The following CCSER1 variants were observed in gnomAD, a reference collection of about 807,000 sequenced individuals.
The protein encoded by CCSER1 is serine-rich coiled-coil domain-containing protein 1.
A neutral mutation model predicts 82.0 loss-of-function variants in CCSER1; 41 were observed. That is an observed-to-expected ratio of 0.50 (90% CI 0.39 to 0.65). The LOEUF (loss-of-function observed/expected upper bound fraction) is 0.65, where lower values mean the gene tolerates loss of function less well. CCSER1 is among the 30% of genes least tolerant of loss of function. The pLI, the probability that CCSER1 is intolerant of heterozygous loss-of-function variation, is 0.00. For synonymous variants in CCSER1, 414 were observed against 383.9 expected (o/e 1.08, Z -0.92); for missense variants, 1,119 against 1,064.2 (o/e 1.05, Z -0.72).
chr4:90,593,601 C>T (rs1782965846), intron 5 of CCSER1, among the ~76,000 whole-genome samples: 1 of 152,180 alleles, frequency 6.6e-6, no homozygotes, highest in East Asian at 1.9e-4. Flanking sequence ...AGGTTTCCAG[C>T]CTCCAGGTTC....
intron 8 of CCSER1, among the ~76,000 whole-genome samples, chr4:90,826,131 TA>T (rs1760406472): frequency 6.6e-6 from 1 of 152,188 alleles, no homozygotes; most frequent in African/African-American, 2.4e-5. Context: ...TTATGCCCAA[TA>T]AAAACTAGCT....
chr4:91,254,808 T>G (rs575776297), intron 10 of CCSER1, among the ~76,000 whole-genome samples: 1 of 152,264 alleles, frequency 6.6e-6, no homozygotes, highest in Non-Finnish European at 1.5e-5. Context: ...AAGAATAATT[T>G]AAAAATCATT....
intron 9 of CCSER1, among the ~76,000 whole-genome samples, chr4:90,963,840 G>T (rs1283857736): frequency 6.6e-6 from 1 of 151,830 alleles, no homozygotes; most frequent in Non-Finnish European, 1.5e-5. Context: ...TCTATTGAAA[G>T]GTTCAAGTAA....
chr4:90,409,940 A>G (rs531868127), intron 4 of CCSER1, among the ~76,000 whole-genome samples: 1 of 152,264 alleles, frequency 6.6e-6, no homozygotes, highest in South Asian at 2.1e-4. Flanking sequence ...AGGAAGATCT[A>G]CCAAGCAAAT....
chr4:90,901,379 C>T (rs1444025042), intron 8 of CCSER1, among the ~76,000 whole-genome samples: 1 of 151,932 alleles, frequency 6.6e-6, no homozygotes, highest in African/African-American at 2.4e-5. Context: ...AATTGCTTTA[C>T]AGGATCTGTG....
intron 1 of CCSER1, among the ~76,000 whole-genome samples, chr4:90,180,140 AT>A (rs1409493246): frequency 2.7e-4 from 37 of 139,212 alleles, no homozygotes; most frequent in African/African-American, 9.3e-4. Flanking sequence ...ATATATATAT[AT>A]AAATTATATT....
intron 9 of CCSER1, among the ~76,000 whole-genome samples, chr4:91,000,265 G>T (rs566270493): frequency 6.4e-5 from 7 of 110,192 alleles, no homozygotes; most frequent in Non-Finnish European, 1.3e-4. Flanking sequence ...GTATAGTATA[G>T]TATAGTATAG....
chr4:91,373,672 C>T lies in CCSER1; in HGVS notation c.2218-224900C>T, dbSNP rs774881227. On this transcript the variant is annotated intron_variant, in intron 10 of 10. Transcript: ENST00000509176. ...ATGTCAGTTAATGACCCTACAATGG[C>T]CTCTAAATTTTCTGACAAGGGAAAC... Among the ~76,000 whole-genome samples, 5 of 152,090 alleles carry T rather than the reference C, an allele frequency of 3.3e-5. No homozygotes were observed. The South Asian group carries it at 6.2e-4, about 19-fold the overall frequency.
intron 10 of CCSER1, among the ~76,000 whole-genome samples, chr4:91,173,125 AC>A (rs1462568645): frequency 6.6e-6 from 1 of 152,150 alleles, no homozygotes; most frequent in African/African-American, 2.4e-5. Context: ...ATACTTATTG[AC>A]TTTTGACTAT....
intron 10 of CCSER1, among the ~76,000 whole-genome samples, chr4:91,339,266 A>T (rs1241967224): frequency 1.3e-5 from 2 of 152,194 alleles, no homozygotes; most frequent in African/African-American, 4.8e-5. Context: ...AGCACTTGCC[A>T]TACTGCCAGA....
chr4:90,860,220 A>T (rs1457507460), intron 8 of CCSER1, among the ~76,000 whole-genome samples: 1 of 151,674 alleles, frequency 6.6e-6, no homozygotes, highest in Non-Finnish European at 1.5e-5. Context: ...TCACTGTAAG[A>T]TATATGAATG....
At chr4:90,968,120 C>T (rs992876409) in intron 9 of CCSER1, among the ~76,000 whole-genome samples, 4 of 151,628 alleles carry the variant, frequency 2.6e-5, no homozygotes, top group African/African-American at 9.7e-5. Flanking sequence ...GTGTAAGTAT[C>T]CTGCAGATAT....
intron 10 of CCSER1, among the ~76,000 whole-genome samples, chr4:91,251,810 T>C (rs768552110): frequency 2.6e-5 from 4 of 152,202 alleles, no homozygotes; most frequent in Non-Finnish European, 5.9e-5. Flanking sequence ...ATAATGGTCC[T>C]ATTTTCAGTT....
At chr4:90,781,280 T>C in intron 7 of CCSER1, 1 of 985,240 alleles carries the variant, frequency 1.0e-6, no homozygotes, top group Non-Finnish European at 1.2e-6. Context: ...ACTTTTATTC[T>C]CTACAGAAAC....
chr4:91,048,382 TC>T (rs1742702140), intron 9 of CCSER1, among the ~76,000 whole-genome samples: 1 of 151,926 alleles, frequency 6.6e-6, no homozygotes, highest in African/African-American at 2.4e-5. Flanking sequence ...TACTTTTTGT[TC>T]CTCAATTTGC....
At chr4:90,228,244 CAGT>C (rs903082048) in intron 1 of CCSER1, among the ~76,000 whole-genome samples, 4 of 152,198 alleles carry the variant, frequency 2.6e-5, no homozygotes, top group African/African-American at 9.6e-5. Flanking sequence ...TTGAAGAGAG[CAGT>C]GTTTCTCCCA....
intron 7 of CCSER1, among the ~76,000 whole-genome samples, chr4:90,760,940 A>C (rs1750327041): frequency 6.6e-6 from 1 of 152,110 alleles, no homozygotes; most frequent in African/African-American, 2.4e-5. Flanking sequence ...AGTAAGTTAT[A>C]CTTAATCTAT....
intron 7 of CCSER1, among the ~76,000 whole-genome samples, chr4:90,768,313 C>T (rs1383254078): frequency 4.6e-5 from 7 of 152,136 alleles, no homozygotes. Context: ...GATGATTATA[C>T]ACCTAGCCAG....
intron 5 of CCSER1, among the ~76,000 whole-genome samples, chr4:90,587,940 T>G (rs1782214973): frequency 6.6e-6 from 1 of 152,242 alleles, no homozygotes; most frequent in Non-Finnish European, 1.5e-5. Context: ...TACAAATTGT[T>G]TGGGTTTCCC....
Sources: gnomAD v4.1 joint callset for allele counts (sites outside exome capture counted in the v4.1 genomes callset) on GRCh38, gnomAD v4.1.1 for gene constraint, MANE v1.5 for transcripts, NCBI Gene and HGNC (gene_info 2026-07-23, HGNC 2026-07-21) for gene names.